ZBTB37: variants seen among roughly 807,000 people sequenced by gnomAD.
ZBTB37 encodes zinc finger and BTB domain containing 37.
Under a neutral mutation model 37.7 loss-of-function variants are expected in ZBTB37, and 15 were observed. The ratio of observed to expected loss-of-function variants is 0.40; its 90% CI spans 0.27 to 0.61. ZBTB37 has a LOEUF of 0.61. Among genes scored for constraint, ZBTB37 ranks in the 20% least tolerant of loss-of-function variants. ZBTB37 has a pLI of 0.44. For synonymous variants in ZBTB37, 231 were observed against 220.6 expected, an observed-to-expected ratio of 1.05 and a Z score of -0.42; for missense variants, 514 against 641.9, an observed-to-expected ratio of 0.80 and a Z score of 2.15.
chr1:173,899,233 TA>T (rs1429267074), exon 4 of ZBTB37: 4 of 152,204 alleles, frequency 2.6e-5, no homozygotes, highest in African/African-American at 9.6e-5. Flanking sequence ...TCTCTGCCTA[TA>T]AGCCATGCTA....
downstream of ZBTB37, chr1:173,887,430 A>C (rs1278390672): frequency 6.6e-6 from 1 of 152,216 alleles, no homozygotes; most frequent in Non-Finnish European, 1.5e-5. Context: ...ATCATGTTGC[A>C]ATAAATGATC....
intron 2 of ZBTB37, among the ~76,000 whole-genome samples, chr1:173,869,770 A>T (rs1655400396): frequency 6.8e-6 from 1 of 147,510 alleles, no homozygotes; most frequent in Non-Finnish European, 1.5e-5. Flanking sequence ...AAGAAGAGGG[A>T]TATCAAGCTA....
chr1:173,868,852 C>T, intron 1 of ZBTB37, 73 bp from the exon 2 acceptor site: 1 of 153,130 alleles, frequency 6.5e-6, no homozygotes, highest in Non-Finnish European at 1.5e-5. Flanking sequence ...CCCCAGGCTT[C>T]CTAACGCAGA....
chr1:173,873,069 T>A (rs1014370590), intron 3 of ZBTB37, among the ~76,000 whole-genome samples: 9 of 151,946 alleles, frequency 5.9e-5, no homozygotes, highest in Admixed American at 2.6e-4. Context: ...ATGATCTATA[T>A]CAATAGTCTA....
rs1176500119 is a variant in ZBTB37, at chr1:173,885,591, T to G, written c.1024-45T>G. On this transcript the variant is annotated intron_variant, in intron 4 of 4. Transcript: ENST00000427304. Reference sequence around the variant, plus strand: ...TTTGATTGCTTTTAATATGTATGCTTAATAATATTTGTTCTTTCTTGGTTA... The same window carrying G: ...TTTGATTGCTTTTAATATGTATGCTGAATAATATTTGTTCTTTCTTGGTTA... 1.0e-5 allele frequency: 15 copies of G among 1,441,772 alleles called. No individual in the cohort carries two copies. In the Admixed American group the frequency reaches 3.5e-4, roughly 34 times the overall value. The allele number at this position is 1,441,772 out of a possible 1,614,324, so 89.3% of individuals were successfully genotyped here. A position where few individuals can be genotyped will look rare whatever the true frequency, so the allele number is the denominator to read the frequency against.
exon 4 of ZBTB37, chr1:173,897,587 ATG>A (rs1331500157): frequency 6.6e-6 from 1 of 152,170 alleles, no homozygotes; most frequent in Non-Finnish European, 1.5e-5. Flanking sequence ...CCAGCTATGT[ATG>A]TGTAAGTTTA....
At chr1:173,873,493 C>T in exon 4 of ZBTB37, 2 of 1,613,326 alleles carry the variant, frequency 1.2e-6, no homozygotes, top group Non-Finnish European at 1.7e-6. Flanking sequence ...AGTGTTGTTC[C>T]CTTGACAGAG....
intron 3 of ZBTB37, among the ~76,000 whole-genome samples, chr1:173,872,138 G>A (rs1037200746): frequency 3.9e-5 from 6 of 152,004 alleles, no homozygotes; most frequent in African/African-American, 1.2e-4. Flanking sequence ...GTGCGATCTC[G>A]GCTCACTGCA....
intron 4 of ZBTB37, among the ~76,000 whole-genome samples, chr1:173,882,920 C>G (rs987963580): frequency 1.1e-4 from 17 of 152,096 alleles, no homozygotes; most frequent in Admixed American, 1.0e-3. Flanking sequence ...TTAATAATAG[C>G]TAACATTTAT....
intron 4 of ZBTB37, among the ~76,000 whole-genome samples, chr1:173,875,701 T>C (rs988157726): frequency 6.6e-6 from 1 of 151,938 alleles, no homozygotes; most frequent in African/African-American, 2.4e-5. Context: ...GTTGACCAGG[T>C]TGCATTGCAC....
chr1:173,897,335 C>A (rs1254732512), exon 4 of ZBTB37: 1 of 152,112 alleles, frequency 6.6e-6, no homozygotes, highest in Non-Finnish European at 1.5e-5. Context: ...CTTGCACTTT[C>A]TATTTGTAAA....
At chr1:173,870,811 C>T in exon 3 of ZBTB37, 1 of 1,614,198 alleles carries the variant, frequency 6.2e-7, no homozygotes, top group Non-Finnish European at 8.5e-7. Context: ...GTCCACCAGC[C>T]CTCAGATCAT....
exon 5 of ZBTB37, chr1:173,886,168 T>G (rs1656613057): frequency 6.6e-7 from 1 of 1,512,526 alleles, no homozygotes; most frequent in Non-Finnish European, 8.9e-7. Context: ...CTATGAGCCA[T>G]AAGCAGCCAG....
exon 4 of ZBTB37, chr1:173,900,513 G>T (rs1270410379): frequency 6.6e-6 from 1 of 152,202 alleles, no homozygotes; most frequent in Non-Finnish European, 1.5e-5. Flanking sequence ...AACTCATGAA[G>T]AAAATTTGTA....
At chr1:173,872,295 G>C (rs773508687) in intron 3 of ZBTB37, among the ~76,000 whole-genome samples, 1 of 151,924 alleles carries the variant, frequency 6.6e-6, no homozygotes, top group South Asian at 2.1e-4. Flanking sequence ...GGATGGTCTC[G>C]ATCTCCTGAC....
At chr1:173,893,766 A>G (rs551409300) in exon 4 of ZBTB37, 4 of 152,392 alleles carry the variant, frequency 2.6e-5, no homozygotes, top group South Asian at 2.1e-4. Flanking sequence ...CCATGAGGGT[A>G]GATAACATCC....
exon 4 of ZBTB37, chr1:173,901,947 C>T (rs908755622): frequency 6.6e-6 from 1 of 152,228 alleles, no homozygotes; most frequent in Non-Finnish European, 1.5e-5. Context: ...CCCCATCTAC[C>T]TGTCCCTGGC....
At chr1:173,875,331 T>TATGTGTGCATATATATATATATA (rs367970109) in intron 4 of ZBTB37, among the ~76,000 whole-genome samples, 1 of 132,344 alleles carries the variant, frequency 7.6e-6, no homozygotes, top group African/African-American at 2.9e-5. Context: ...TATATATATA[T>TATGTGTGCATATATATATATATA]TTTTTTTTTT....
chr1:173,899,191 G>A (rs1306148227), exon 4 of ZBTB37: 1 of 151,938 alleles, frequency 6.6e-6, no homozygotes, highest in Non-Finnish European at 1.5e-5. Context: ...TTTTTACCAC[G>A]ACTATTTTTT....
Sources: gnomAD v4.1 joint callset for allele counts (sites outside exome capture counted in the v4.1 genomes callset) on GRCh38, gnomAD v4.1.1 for gene constraint, MANE v1.5 for transcripts, NCBI Gene and HGNC (gene_info 2026-07-23, HGNC 2026-07-21) for gene names.